ECT2L: variants seen among roughly 807,000 people sequenced by gnomAD.
The protein encoded by ECT2L is epithelial cell transforming 2 like, also known as epithelial cell-transforming sequence 2 oncogene-like.
In ECT2L, 126 loss-of-function variants were observed where a neutral mutation model predicts 122.8. The ratio of observed to expected loss-of-function variants is 1.03; its 90% CI spans 0.89 to 1.19. ECT2L has a LOEUF of 1.19. Ranked by LOEUF, ECT2L falls within the 50% of genes most tolerant of loss-of-function variation. The pLI, the probability that ECT2L is intolerant of heterozygous loss-of-function variation, is 0.00. For missense variants in ECT2L, 1,012 were observed against 1,064.1 expected (o/e 0.95, Z 0.68); for synonymous variants, 385 against 381.8 (o/e 1.01, Z -0.10).
Position 138,805,479 on chromosome 6 carries a change from G to T in ECT2L, c.-243-7359G>T, listed in dbSNP as rs181855263. On this transcript the variant is annotated intron_variant, in intron 1 of 21. Coordinates refer to ENST00000541398, the MANE Select transcript of ECT2L (RefSeq NM_001077706.3). Reference sequence around the variant, plus strand: ...GGATAACAAACCATTCCAAAGTTTAGTAGCTTGAAATAGGAAACGTGTTAT... The same window carrying T: ...GGATAACAAACCATTCCAAAGTTTATTAGCTTGAAATAGGAAACGTGTTAT... Among the ~76,000 whole-genome samples, 285 of 152,324 alleles carry T rather than the reference G, an allele frequency of 1.9e-3. 1 individual carries two copies. The highest frequency in any genetic ancestry group is 0.014 in the Admixed American group (215 of 15,296).
chr6:138,808,537 T>C (rs965641178), intron 1 of ECT2L, among the ~76,000 whole-genome samples: 3 of 152,182 alleles, frequency 2.0e-5, no homozygotes, highest in Admixed American at 2.0e-4. Flanking sequence ...TTATAAATGA[T>C]ATATTGTTGC....
intron 20 of ECT2L, among the ~76,000 whole-genome samples, chr6:138,898,245 T>C (rs186367831): frequency 1.3e-5 from 2 of 152,318 alleles, no homozygotes; most frequent in East Asian, 3.9e-4. Context: ...CAGAATAACC[T>C]ATTGACTCGA....
chr6:138,801,291 T>C (rs1775535084), intron 1 of ECT2L, among the ~76,000 whole-genome samples: 1 of 152,214 alleles, frequency 6.6e-6, no homozygotes, highest in African/African-American at 2.4e-5. Context: ...GACCTCAGCT[T>C]CCTGGTCTAT....
chr6:138,838,657 G>A, intron 5 of ECT2L, 143 bp downstream of exon 5: 2 of 706,926 alleles, frequency 2.8e-6, no homozygotes, highest in Non-Finnish European at 4.2e-6. Flanking sequence ...GAAAAAATGG[G>A]GAAAAGTGAA....
chr6:138,853,953 T>C, intron 9 of ECT2L, 73 bp from the exon 10 acceptor site: 4 of 1,527,098 alleles, frequency 2.6e-6, no homozygotes, highest in Non-Finnish European at 2.7e-6. Context: ...GCTTACATTT[T>C]CACAAGCTGC....
intron 13 of ECT2L, among the ~76,000 whole-genome samples, chr6:138,874,533 C>T (rs764222865): frequency 1.3e-5 from 2 of 152,144 alleles, no homozygotes; most frequent in East Asian, 1.9e-4. Flanking sequence ...GCTGCTGAGC[C>T]GGAATGTGAA....
At chr6:138,863,140 G>C (rs1043515537) in intron 11 of ECT2L, among the ~76,000 whole-genome samples, 2 of 152,188 alleles carry the variant, frequency 1.3e-5, no homozygotes, top group African/African-American at 4.8e-5. Flanking sequence ...CATTATCTGA[G>C]AGGAAAAACA....
intron 20 of ECT2L, among the ~76,000 whole-genome samples, chr6:138,893,191 T>G (rs1582668795): frequency 2.0e-5 from 3 of 150,638 alleles, no homozygotes; most frequent in African/African-American, 7.3e-5. Context: ...TTTTGTTTTT[T>G]TTTGTTTTTT....
chr6:138,806,792 C>T (rs1266897344), intron 1 of ECT2L, among the ~76,000 whole-genome samples: 2 of 151,998 alleles, frequency 1.3e-5, no homozygotes, highest in East Asian at 3.9e-4. Flanking sequence ...GGATTACAGT[C>T]GTGAGCCACT....
Position 138,862,689 on chromosome 6 carries a change from A to G in ECT2L, c.1261A>G (p.Thr421Ala). The change falls in exon 11 of 22, where the codon ACT (threonine) becomes GCT (alanine). Residue 421 changes from threonine (T) to alanine (A), a missense_variant. Transcript: ENST00000541398. ...AACTGGCACGTTCTTTACGGCCCCC[A>G]CTGGGATTGCAACTGGCTCTTACCA... is the stretch of plus-strand genomic sequence containing the variant. ...QLTGTFFTAPTGIATGSYQHI... is the reference protein window; with the variant it reads ...QLTGTFFTAPAGIATGSYQHI... 3 of 1,614,144 alleles carry G rather than the reference A, an allele frequency of 1.9e-6. No homozygotes were observed. The highest frequency in any genetic ancestry group is 2.5e-6 in the Non-Finnish European group (3 of 1,179,994).
At chr6:138,893,862 C>G (rs1327429609) in intron 20 of ECT2L, among the ~76,000 whole-genome samples, 2 of 152,122 alleles carry the variant, frequency 1.3e-5, no homozygotes, top group Admixed American at 1.3e-4. Flanking sequence ...AAGCCAATAC[C>G]CTTCAAGCAT....
Position 138,864,884 on chromosome 6 carries a change from GATA to G in ECT2L, c.1292-107_1292-105del. On this transcript the variant is annotated intron_variant, in intron 11 of 21. Coordinates refer to ENST00000541398, the MANE Select transcript of ECT2L (RefSeq NM_001077706.3). ...TTGTCTTAGTCTTCTAATGAGAAAC[GATA>G]ATAAACTCAATACAAATGCAACTAA... 5.0e-6 allele frequency: 5 copies of G among 1,006,012 alleles called. No homozygotes were observed. In the South Asian group the frequency reaches 1.0e-4, roughly 20 times the overall value. 62.3% of individuals were successfully genotyped at this position (1,006,012 alleles called of 1,614,324 possible). A position where few individuals can be genotyped will look rare whatever the true frequency, so the allele number is the denominator to read the frequency against.
chr6:138,829,192 A>G (rs1003026165), intron 4 of ECT2L, among the ~76,000 whole-genome samples: 6 of 152,084 alleles, frequency 3.9e-5, no homozygotes, highest in Non-Finnish European at 8.8e-5. Flanking sequence ...CTGGTGTGAG[A>G]AAACCTTCTG....
intron 14 of ECT2L, among the ~76,000 whole-genome samples, chr6:138,878,302 T>C (rs1487926311): frequency 9.7e-6 from 1 of 103,254 alleles, no homozygotes; most frequent in Non-Finnish European, 2.0e-5. Context: ...GATACATATA[T>C]ATATACACAC....
chr6:138,889,128 C>A, intron 20 of ECT2L, 97 bp downstream of exon 20: 1 of 513,430 alleles, frequency 1.9e-6, no homozygotes, highest in Non-Finnish European at 3.3e-6. Flanking sequence ...CAATGTCTGA[C>A]ACAGTAGGTT....
intron 1 of ECT2L, among the ~76,000 whole-genome samples, chr6:138,804,125 T>C (rs1398382400): frequency 6.6e-6 from 1 of 152,238 alleles, no homozygotes; most frequent in East Asian, 1.9e-4. Context: ...GAGTGATTTT[T>C]TTCCCACTTA....
At chr6:138,829,741 G>C (rs200239729) in intron 4 of ECT2L, among the ~76,000 whole-genome samples, 1 of 132,956 alleles carries the variant, frequency 7.5e-6, no homozygotes, top group African/African-American at 2.8e-5. Context: ...CTTTTTTTTT[G>C]AGACAGAGTC....
chr6:138,899,675 A>G (rs1379024986), intron 20 of ECT2L, among the ~76,000 whole-genome samples: 1 of 152,250 alleles, frequency 6.6e-6, no homozygotes, highest in African/African-American at 2.4e-5. Flanking sequence ...GTGAAGAAAA[A>G]TAAGAGACCT....
In ECT2L at chr6:138,826,214, G is replaced by C. The variant is rs557979070; in HGVS notation, c.179+11611G>C. Reference sequence around the variant, plus strand: ...ATATTCCAATTCTCTCAGCTCTCTTGCTCTGGATTTTTATCACATTCAAAT... The same window carrying C: ...ATATTCCAATTCTCTCAGCTCTCTTCCTCTGGATTTTTATCACATTCAAAT... On this transcript the variant is annotated intron_variant, in intron 4 of 21. Coordinates refer to ENST00000541398, the MANE Select transcript of ECT2L (RefSeq NM_001077706.3). Among the ~76,000 whole-genome samples the C allele has an allele frequency of 6.0e-4, 92 of 152,180 alleles. 1 individual carries two copies. In the Middle Eastern group the frequency reaches 0.024, roughly 39 times the overall value.
Sources: allele counts gnomAD v4.1 joint callset (sites outside exome capture counted in the v4.1 genomes callset), GRCh38; gene constraint gnomAD v4.1.1; transcripts MANE v1.5; gene names NCBI Gene and HGNC (gene_info 2026-07-23, HGNC 2026-07-21).